SENP1: variants seen among roughly 807,000 people sequenced by gnomAD.
SENP1 encodes the protein SUMO specific peptidase 1, also known as sentrin-specific protease 1.
SENP1 carries 21 observed loss-of-function variants against 93.0 expected under a neutral mutation model. That is an observed-to-expected ratio of 0.23 (90% confidence interval 0.16 to 0.33). SENP1 has a LOEUF of 0.33. Among genes scored for constraint, SENP1 ranks in the 10% least tolerant of loss-of-function variants. The pLI, the probability that SENP1 is intolerant of heterozygous loss-of-function variation, is 1.00. For synonymous variants in SENP1, 256 were observed against 259.6 expected, an observed-to-expected ratio of 0.99 and a Z score of 0.13; for missense variants, 591 against 758.7, an observed-to-expected ratio of 0.78 and a Z score of 2.60.
At chr12:48,105,723 G>T (rs951864737) in intron 1 of SENP1, 7 of 507,706 alleles carry the variant, frequency 1.4e-5, no homozygotes, top group Non-Finnish European at 2.1e-5. Context: ...CCCAAGTACG[G>T]CTGGGCGCTG....
intron 4 of SENP1, 165 bp from the exon 5 acceptor site, chr12:48,089,125 G>C: frequency 6.3e-7 from 1 of 1,574,846 alleles, no homozygotes; most frequent in Non-Finnish European, 8.6e-7. Context: ...TGCAGTAGGG[G>C]AACTTCTACA....
At chr12:48,048,905 A>G (rs751289068) in intron 14 of SENP1, 24 bp downstream of exon 14, 3 of 1,575,402 alleles carry the variant, frequency 1.9e-6, no homozygotes, top group Non-Finnish European at 2.6e-6. Flanking sequence ...TTTACATTTT[A>G]TCAAAAATGA....
intron 5 of SENP1, among the ~76,000 whole-genome samples, chr12:48,086,599 A>G (rs1944880031): frequency 6.6e-6 from 1 of 152,234 alleles, no homozygotes. Context: ...CAAATGTGAT[A>G]AATGCAGCAC....
At chr12:48,074,961 C>T (rs964987419) in intron 6 of SENP1, among the ~76,000 whole-genome samples, 168 bp from the exon 7 acceptor site, 5 of 152,066 alleles carry the variant, frequency 3.3e-5, no homozygotes, top group African/African-American at 1.2e-4. Context: ...AATTCCAGCA[C>T]TTTGGGAGGA....
chr12:48,068,574 C>T (rs1029812355), intron 9 of SENP1, among the ~76,000 whole-genome samples: 1 of 152,096 alleles, frequency 6.6e-6, no homozygotes, highest in South Asian at 2.1e-4. Context: ...GTTCTTTCGA[C>T]TGTGCCTTTC....
chr12:48,105,758 G>C, intron 1 of SENP1: 2 of 553,860 alleles, frequency 3.6e-6, no homozygotes, highest in South Asian at 4.1e-5. Context: ...GTAACGGCAG[G>C]GAGACGGTCT....
intron 13 of SENP1, chr12:48,055,133 G>A (rs56345199): frequency 0.098 from 25,296 of 258,180 alleles, 1,840 homozygotes; most frequent in African/African-American, 0.22. Flanking sequence ...TTTCTCTTGC[G>A]CTTGGCAGGG....
At position 48,049,104 on chromosome 12, in the gene SENP1, A is replaced by G. The variant is rs1481478334; in HGVS notation, c.1436T>C (p.Met479Thr). The stretch of plus-strand genomic sequence containing the variant: ...CAAGCCCTTCTCTTTACTTCGCTCC[A>G]TCAGCATATTCATGTAGAAATTGAT... The part of the protein sequence containing the change: ...EIINFYMNML[M>T]ERSKEKGLPS... Residue 479 changes from methionine (M) to threonine (T), a missense_variant, in exon 14 of 18, where the codon ATG (methionine) becomes ACG (threonine). Physicochemically the swap from Met to Thr is moderately conservative, Grantham distance 81 (BLOSUM62 -1). Transcript: ENST00000549518. The G allele has an allele frequency of 1.9e-6, 3 of 1,613,546 alleles. No individual in the cohort carries two copies. Among genetic ancestry groups the G allele is most frequent in the African/African-American group, 2.7e-5 (2 of 74,906 alleles).
intron 13 of SENP1, among the ~76,000 whole-genome samples, chr12:48,058,712 C>G (rs1172246995): frequency 6.6e-6 from 1 of 152,102 alleles, no homozygotes; most frequent in Non-Finnish European, 1.5e-5. Flanking sequence ...CACCTGTCTT[C>G]TAGAGGTATG....
rs771372927 is a variant in SENP1, at chr12:48,067,002, G to A, written c.996-37C>T. On this transcript the variant is annotated intron_variant, in intron 9 of 17. Coordinates refer to ENST00000549518, the MANE Select transcript of SENP1 (RefSeq NM_001267594.2). The stretch of plus-strand genomic sequence containing the variant: ...AAAAGAAAAATTTGACAAATGAGCA[G>A]GAGGCTTATGAGAAAATTAAAATAT... 9.6e-6 allele frequency: 13 copies of A among 1,359,542 alleles called. No individual in the cohort carries two copies. In the South Asian group the frequency reaches 1.4e-4, roughly 15 times the overall value. 84.2% of individuals were successfully genotyped at this position (1,359,542 alleles called of 1,614,324 possible).
At chr12:48,051,057 A>G (rs1334049030) in intron 13 of SENP1, among the ~76,000 whole-genome samples, 2 of 150,492 alleles carry the variant, frequency 1.3e-5, no homozygotes, top group South Asian at 2.1e-4. Context: ...ATCAGAGATT[A>G]CCTCTGGAAT....
intron 1 of SENP1, chr12:48,105,413 G>A (rs772403874): frequency 1.9e-6 from 1 of 518,954 alleles, no homozygotes; most frequent in African/African-American, 1.9e-5. Flanking sequence ...AGGAGGCGAT[G>A]AGCCAGGTAA....
intron 15 of SENP1, 28 bp from the exon 16 acceptor site, chr12:48,047,090 A>T: frequency 7.0e-7 from 1 of 1,433,828 alleles, no homozygotes; most frequent in Non-Finnish European, 9.8e-7. Context: ...GAATGAGATA[A>T]GCAGTGGGGA....
chr12:48,050,988 G>C (rs1181700393), intron 13 of SENP1, among the ~76,000 whole-genome samples: 1 of 151,460 alleles, frequency 6.6e-6, no homozygotes, highest in Non-Finnish European at 1.5e-5. Flanking sequence ...GAATCAGGCA[G>C]AGAGATAAGG....
At chr12:48,047,245 C>T (rs1592275727) in intron 15 of SENP1, among the ~76,000 whole-genome samples, 183 bp from the exon 16 acceptor site, 1 of 152,170 alleles carries the variant, frequency 6.6e-6, no homozygotes, top group East Asian at 1.9e-4. Flanking sequence ...CTGAGCATGC[C>T]TCTTCTAGCT....
At chr12:48,047,616 G>C (rs142243349) in intron 15 of SENP1, among the ~76,000 whole-genome samples, 14 of 152,280 alleles carry the variant, frequency 9.2e-5, no homozygotes, top group Middle Eastern at 3.4e-3. Context: ...TTTGGAAAAT[G>C]AAACAGGTGG....
At chr12:48,098,435 G>A (rs972325626) in intron 2 of SENP1, among the ~76,000 whole-genome samples, 3 of 151,770 alleles carry the variant, frequency 2.0e-5, no homozygotes, top group Non-Finnish European at 4.4e-5. Flanking sequence ...ACGGGGTCAG[G>A]AGTTCAAGAC....
chr12:48,063,326 G>A (rs1943081525), intron 13 of SENP1, among the ~76,000 whole-genome samples: 2 of 152,212 alleles, frequency 1.3e-5, no homozygotes, highest in South Asian at 2.1e-4. Context: ...AAGTAAAACT[G>A]GATTCCTATA....
At chr12:48,078,501 T>C (rs1426281211) in intron 6 of SENP1, among the ~76,000 whole-genome samples, 2 of 151,606 alleles carry the variant, frequency 1.3e-5, no homozygotes, top group Non-Finnish European at 2.9e-5. Flanking sequence ...TAAGATCATG[T>C]TGTCAGTAAA....
Sources: gnomAD v4.1 joint callset for allele counts (sites outside exome capture counted in the v4.1 genomes callset) on GRCh38, gnomAD v4.1.1 for gene constraint, MANE v1.5 for transcripts, NCBI Gene and HGNC (gene_info 2026-07-23, HGNC 2026-07-21) for gene names.